USP47: variants seen among roughly 807,000 people sequenced by gnomAD.
USP47 encodes the protein ubiquitin carboxyl-terminal hydrolase 47.
Under a neutral mutation model 165.1 loss-of-function variants are expected in USP47, and 35 were observed. The observed-to-expected ratio is 0.21, with a 90% CI of 0.16 to 0.28. USP47 has a LOEUF of 0.28. USP47 is among the 10% of genes least tolerant of loss of function. The probability of loss-of-function intolerance (pLI) is 1.00; values close to 1 mark genes in which losing one functional copy is unlikely to be tolerated. For synonymous variants in USP47, 531 were observed against 544.5 expected, an observed-to-expected ratio of 0.98 and a Z score of 0.35; for missense variants, 1,277 against 1,607.4, an observed-to-expected ratio of 0.79 and a Z score of 3.52.
chr11:11,852,120 G>C (rs1848761360), intron 1 of USP47, among the ~76,000 whole-genome samples: 1 of 152,140 alleles, frequency 6.6e-6, no homozygotes, highest in Non-Finnish European at 1.5e-5. Flanking sequence ...AATTCTTTGA[G>C]ACCATGCAGA....
rs560181612 is a variant in USP47 at position 11,868,221 on chromosome 11, A to T, written c.40-11956A>T. Among the ~76,000 whole-genome samples, 16 of 152,276 alleles carry T rather than the reference A, an allele frequency of 1.1e-4. No homozygotes were observed. In the South Asian group the frequency reaches 3.3e-3, roughly 32 times the overall value. ...ACCAAGATATTCACGTGATATAGTC[A>T]AGATATAGAACATTTTCTTCACCAC... On this transcript the variant is annotated intron_variant, in intron 1 of 27. Transcript: ENST00000527733.
chr11:11,944,420 A>G (rs1179667549), intron 20 of USP47, among the ~76,000 whole-genome samples: 1 of 152,202 alleles, frequency 6.6e-6, no homozygotes, highest in Admixed American at 6.5e-5. Context: ...TCATACATAT[A>G]TCTTGCAGAA....
chr11:11,908,736 T>A (rs1852755346), intron 8 of USP47, among the ~76,000 whole-genome samples: 1 of 152,136 alleles, frequency 6.6e-6, no homozygotes, highest in South Asian at 2.1e-4. Context: ...TTCAATAGAT[T>A]TTTAGTTATT....
chr11:11,860,583 A>G (rs2134189681), intron 1 of USP47, among the ~76,000 whole-genome samples: 1 of 152,356 alleles, frequency 6.6e-6, no homozygotes, highest in South Asian at 2.1e-4. Flanking sequence ...ATGGTAACAG[A>G]TAATATAAAC....
At chr11:11,906,274 T>C (rs923029195) in intron 8 of USP47, among the ~76,000 whole-genome samples, 2 of 152,174 alleles carry the variant, frequency 1.3e-5, no homozygotes, top group African/African-American at 4.8e-5. Context: ...GAAACATTTA[T>C]TTGAACCTAC....
At chr11:11,927,321 G>C (rs1854322972) in intron 11 of USP47, among the ~76,000 whole-genome samples, 1 of 151,960 alleles carries the variant, frequency 6.6e-6, no homozygotes, top group African/African-American at 2.4e-5. Flanking sequence ...GGTTTATTGG[G>C]CAGGATGGGT....
intron 11 of USP47, 77 bp downstream of exon 11, chr11:11,922,968 T>C (rs1853947884): frequency 1.5e-6 from 2 of 1,351,974 alleles, no homozygotes; most frequent in South Asian, 2.9e-5. Context: ...ATAGCTGTTG[T>C]GACTGATAAA....
At chr11:11,875,762 C>T (rs756965250) in intron 1 of USP47, among the ~76,000 whole-genome samples, 1 of 152,214 alleles carries the variant, frequency 6.6e-6, no homozygotes, top group South Asian at 2.1e-4. Flanking sequence ...TGCCACCACA[C>T]CCAGCAAATT....
At chr11:11,904,781 G>A (rs909767238) in intron 7 of USP47, among the ~76,000 whole-genome samples, 1 of 151,834 alleles carries the variant, frequency 6.6e-6, no homozygotes, top group African/African-American at 2.4e-5. Context: ...TGAGAGAGGT[G>A]GATTTTAAGA....
intron 1 of USP47, among the ~76,000 whole-genome samples, chr11:11,866,868 T>C (rs2134222804): frequency 6.6e-6 from 1 of 151,976 alleles, no homozygotes; most frequent in South Asian, 2.1e-4. Context: ...TGTTGTTCTC[T>C]CTGACTGCAT....
Position 11,875,991 on chromosome 11 carries a change from C to T in USP47, c.40-4186C>T, listed in dbSNP as rs142139527. ...CTGCAATGAATGTAGCCACAGAGCA[C>T]TCTATTAGCTTATACAGTAAATATA... On this transcript the variant is annotated intron_variant, in intron 1 of 27. Coordinates refer to ENST00000527733, the MANE Select transcript of USP47 (RefSeq NM_001282659.2). 4.3e-3 allele frequency among the ~76,000 whole-genome samples: 651 copies of T among 152,312 alleles called. 9 individuals are homozygous for T. The highest frequency in any genetic ancestry group is 0.015 in the African/African-American group (603 of 41,574).
At chr11:11,938,798 A>C (rs962846511) in intron 18 of USP47, among the ~76,000 whole-genome samples, 26 of 151,918 alleles carry the variant, frequency 1.7e-4, no homozygotes, top group Non-Finnish European at 3.7e-4. Flanking sequence ...TCAGGAATGG[A>C]GAGGAGGAAG....
In USP47 at chr11:11,948,543, G is replaced by A; in HGVS notation, c.3333G>A (p.Leu1111=). The A allele has an allele frequency of 1.2e-6, 2 of 1,611,356 alleles. No individual in the cohort carries two copies. Among genetic ancestry groups the A allele is most frequent in the Non-Finnish European group, 1.7e-6 (2 of 1,177,994 alleles). ...ACAGAGTTAAAGTATACCAGCTTTTGGTCAATGAACAAGAGGTAAGTAATA... is the reference window on the plus strand; with the variant it reads ...ACAGAGTTAAAGTATACCAGCTTTTAGTCAATGAACAAGAGGTAAGTAATA... ...GEYRVKVYQL[L]VNEQEPCKFL... Residue 1111 remains leucine, a synonymous_variant, in exon 22 of 28, where the codon TTG becomes TTA. Coordinates refer to ENST00000527733, the MANE Select transcript of USP47 (RefSeq NM_001282659.2).
At chr11:11,847,599 T>C in intron 1 of USP47, among the ~76,000 whole-genome samples, 1 of 152,192 alleles carries the variant, frequency 6.6e-6, no homozygotes, top group East Asian at 1.9e-4. Context: ...TAGAACAGTT[T>C]TTGACTCCTC....
At chr11:11,881,681 G>C (rs757165266) in intron 2 of USP47, among the ~76,000 whole-genome samples, 2 of 151,688 alleles carry the variant, frequency 1.3e-5, no homozygotes, top group Middle Eastern at 3.2e-3. Flanking sequence ...CATCTTCTTA[G>C]GTCATCATTT....
At chr11:11,872,564 A>G (rs1269293983) in intron 1 of USP47, among the ~76,000 whole-genome samples, 1 of 152,224 alleles carries the variant, frequency 6.6e-6, no homozygotes, top group Non-Finnish European at 1.5e-5. Context: ...TTCCAGGTAC[A>G]TGGTACAGAT....
intron 5 of USP47, among the ~76,000 whole-genome samples, chr11:11,898,597 A>G (rs1851995617): frequency 6.6e-6 from 1 of 152,140 alleles, no homozygotes; most frequent in African/African-American, 2.4e-5. Flanking sequence ...TAGAGAGGGA[A>G]TTAGTAATAA....
chr11:11,913,937 T>G (rs1266400073), intron 8 of USP47, among the ~76,000 whole-genome samples: 1 of 152,090 alleles, frequency 6.6e-6, no homozygotes, highest in African/African-American at 2.4e-5. Context: ...ATACTGTACT[T>G]ATTAATTGGA....
intron 12 of USP47, 52 bp downstream of exon 12, chr11:11,929,617 T>C: frequency 6.3e-7 from 1 of 1,591,354 alleles, no homozygotes; most frequent in Non-Finnish European, 8.6e-7. Flanking sequence ...AGTAAGGATG[T>C]TTCTAAACAA....
Sources: gnomAD v4.1 joint callset for allele counts (sites outside exome capture counted in the v4.1 genomes callset) on GRCh38, gnomAD v4.1.1 for gene constraint, MANE v1.5 for transcripts, NCBI Gene and HGNC (gene_info 2026-07-23, HGNC 2026-07-21) for gene names.